The following CDH1 variants were observed in gnomAD, a reference collection of about 807,000 sequenced individuals.
CDH1 encodes the protein cadherin-1.
A neutral mutation model predicts 84.5 loss-of-function variants in CDH1; 35 were observed. That is an observed-to-expected ratio of 0.41 (90% CI 0.32 to 0.55). The LOEUF is 0.55. Among genes scored for constraint, CDH1 ranks in the 20% least tolerant of loss-of-function variants. The probability of loss-of-function intolerance (pLI) is 0.19; values close to 1 mark genes in which losing one functional copy is unlikely to be tolerated. For synonymous variants in CDH1, 417 were observed against 439.0 expected (o/e 0.95, Z 0.63); for missense variants, 994 against 1,126.6 (o/e 0.88, Z 1.68).
At position 68,760,075 on chromosome 16, in the gene CDH1, C is replaced by CATATAT. The variant is rs71382069; in HGVS notation, c.163+21671_163+21676dup. On this transcript the variant is annotated intron_variant, in intron 2 of 15. Coordinates refer to ENST00000261769, the MANE Select transcript of CDH1 (RefSeq NM_004360.5). ...ATGTGAACTGTCTTGTAAAGTATTCCATATATATATATTTTTTTTTTTTTT... is the reference window on the plus strand; with the variant it reads ...ATGTGAACTGTCTTGTAAAGTATTCCATATATATATATATATATTTTTTTTTTTTTT... Among the ~76,000 whole-genome samples the CATATAT allele has an allele frequency of 4.5e-3, 577 of 127,224 alleles. 4 individuals carry two copies. Among genetic ancestry groups the CATATAT allele is most frequent in the East Asian group, 0.02 (87 of 4,426 alleles). The allele number at this position is 127,224 out of a possible 152,430, so 83.5% of individuals were successfully genotyped here. A position where few individuals can be genotyped will look rare whatever the true frequency, so the allele number is the denominator to read the frequency against.
chr16:68,785,198 CT>C (rs1279222069), intron 2 of CDH1, among the ~76,000 whole-genome samples: 1 of 151,944 alleles, frequency 6.6e-6, no homozygotes, highest in African/African-American at 2.4e-5. Context: ...GAGTCTTGTT[CT>C]TTTTTTCTTT....
chr16:68,794,460 C>A (rs60140402), intron 2 of CDH1, among the ~76,000 whole-genome samples: 3,113 of 152,216 alleles, frequency 0.02, 115 homozygotes, highest in African/African-American at 0.071. Flanking sequence ...TGTGGACAAA[C>A]TGGAGGCCTA....
At position 68,833,397 on chromosome 16, in the gene CDH1, C is replaced by T. The variant is rs772974301; in HGVS notation, c.2547C>T (p.Asn849=). 1.9e-6 allele frequency: 3 copies of T among 1,614,092 alleles called. No individual in the cohort carries two copies. The highest frequency in any genetic ancestry group is 2.2e-5 in the South Asian group (2 of 91,084). ...AAGCTGCTAGTCTGAGCTCCCTGAA[C>T]TCCTCAGAGTCAGACAAAGACCAGG... ...GSEAASLSSL[N]SSESDKDQDY... The change falls in exon 16 of 16, where the codon AAC becomes AAT. Residue 849 remains asparagine (N), a synonymous_variant. Coordinates refer to ENST00000261769, the MANE Select transcript of CDH1 (RefSeq NM_004360.5).
chr16:68,792,231 C>CT (rs750976738), intron 2 of CDH1, among the ~76,000 whole-genome samples: 14,780 of 113,512 alleles, frequency 0.13, 1,466 homozygotes, highest in African/African-American at 0.29. Context: ...TAAACACTGA[C>CT]TTTTTTTTTT....
intron 12 of CDH1, chr16:68,822,545 A>G (rs192545875): frequency 6.5e-5 from 34 of 521,724 alleles, no homozygotes; most frequent in Non-Finnish European, 1.0e-4. Context: ...GGACCAAACA[A>G]CACCATTTTT....
chr16:68,810,739 G>A (rs1427817745), intron 6 of CDH1, among the ~76,000 whole-genome samples: 1 of 151,750 alleles, frequency 6.6e-6, no homozygotes, highest in Admixed American at 6.6e-5. Context: ...GGTGGCGGGG[G>A]CCTGTAATCC....
intron 2 of CDH1, among the ~76,000 whole-genome samples, chr16:68,763,977 G>T (rs1170148522): frequency 1.3e-5 from 2 of 152,216 alleles, no homozygotes; most frequent in Non-Finnish European, 2.9e-5. Context: ...GCCAGAGCTG[G>T]TTGGGGGGAT....
chr16:68,791,511 C>G (rs1250583072), intron 2 of CDH1, among the ~76,000 whole-genome samples: 1 of 152,060 alleles, frequency 6.6e-6, no homozygotes, highest in Non-Finnish European at 1.5e-5. Context: ...CAGCCTCGAC[C>G]TCCTGTGCTC....
intron 2 of CDH1, among the ~76,000 whole-genome samples, chr16:68,748,353 G>A (rs952289681): frequency 1.3e-5 from 2 of 151,804 alleles, no homozygotes; most frequent in Admixed American, 6.6e-5. Context: ...TGATCTGCCC[G>A]CCTTGACCTC....
intron 2 of CDH1, among the ~76,000 whole-genome samples, chr16:68,798,442 G>T (rs980936532): frequency 3.9e-5 from 6 of 152,052 alleles, no homozygotes; most frequent in Admixed American, 3.3e-4. Flanking sequence ...CCTATAATCA[G>T]CCCAGGGGAT....
intron 12 of CDH1, chr16:68,822,584 G>T (rs961448892): frequency 4.1e-6 from 2 of 489,978 alleles, no homozygotes; most frequent in East Asian, 9.9e-5. Flanking sequence ...CCAACCAATC[G>T]TGAGCTCCCA....
intron 2 of CDH1, among the ~76,000 whole-genome samples, chr16:68,797,003 GA>G (rs1960380121): frequency 6.6e-6 from 1 of 151,974 alleles, no homozygotes; most frequent in Non-Finnish European, 1.5e-5. Context: ...ATTTTTTGCT[GA>G]AATACAAAAA....
chr16:68,816,175 G>A (rs1446948100), intron 10 of CDH1, among the ~76,000 whole-genome samples: 1 of 152,026 alleles, frequency 6.6e-6, no homozygotes, highest in Non-Finnish European at 1.5e-5. Flanking sequence ...CTGCCACCAC[G>A]CCCGGCTAAT....
chr16:68,753,191 C>A (rs554389865), intron 2 of CDH1, among the ~76,000 whole-genome samples: 4 of 108,256 alleles, frequency 3.7e-5, no homozygotes, highest in Non-Finnish European at 6.8e-5. Context: ...CCAGCCTGGG[C>A]GACAAAGCGA....
intron 2 of CDH1, among the ~76,000 whole-genome samples, chr16:68,784,838 A>G (rs1567493585): frequency 6.6e-6 from 1 of 150,996 alleles, no homozygotes; most frequent in Non-Finnish European, 1.5e-5. Context: ...ATAAGTTCCT[A>G]GGTCCAGTGT....
At chr16:68,768,800 T>G (rs1267902523) in intron 2 of CDH1, among the ~76,000 whole-genome samples, 1 of 152,238 alleles carries the variant, frequency 6.6e-6, no homozygotes, top group Non-Finnish European at 1.5e-5. Context: ...TATTATTATC[T>G]TATATGTTGT....
intron 2 of CDH1, among the ~76,000 whole-genome samples, chr16:68,748,168 A>G (rs540850960): frequency 6.8e-6 from 1 of 146,350 alleles, no homozygotes; most frequent in African/African-American, 2.6e-5. Flanking sequence ...GCTGGAGTGC[A>G]ATGGCATGAT....
At chr16:68,792,837 C>G (rs1021707170) in intron 2 of CDH1, among the ~76,000 whole-genome samples, 15 of 152,180 alleles carry the variant, frequency 9.9e-5, no homozygotes. Flanking sequence ...CTCTCCACCC[C>G]CGTCTGCTTT....
At chr16:68,803,292 C>T (rs543988594) in intron 3 of CDH1, among the ~76,000 whole-genome samples, 3 of 152,158 alleles carry the variant, frequency 2.0e-5, no homozygotes, top group Non-Finnish European at 4.4e-5. Flanking sequence ...ATTAACTTAG[C>T]TCCTTGACTC....
Sources: gnomAD v4.1 joint callset for allele counts (sites outside exome capture counted in the v4.1 genomes callset) on GRCh38, gnomAD v4.1.1 for gene constraint, MANE v1.5 for transcripts, NCBI Gene and HGNC (gene_info 2026-07-23, HGNC 2026-07-21) for gene names.